Variants in CDH13 observed in about 807,000 individuals in gnomAD.
CDH13 encodes cadherin-13.
CDH13 carries 24 observed loss-of-function variants against 63.8 expected under a neutral mutation model. That is an observed-to-expected ratio of 0.38 (90% CI 0.27 to 0.53). CDH13 has a LOEUF of 0.53. Ranked by LOEUF, CDH13 falls within the 20% of genes least tolerant of loss-of-function variation. The pLI is 0.85. For missense variants in CDH13, 1,049 were observed against 903.1 expected (o/e 1.16, Z -2.07); for synonymous variants, 503 against 355.3 (o/e 1.42, Z -4.67).
At chr16:83,478,051 C>T (rs2073653318) in intron 6 of CDH13, among the ~76,000 whole-genome samples, 1 of 151,466 alleles carries the variant, frequency 6.6e-6, no homozygotes, top group Non-Finnish European at 1.5e-5. Context: ...CTTGGTGGTC[C>T]CAGCTGCTTG....
intron 1 of CDH13, among the ~76,000 whole-genome samples, chr16:82,691,111 C>T (rs1054355000): frequency 1.3e-5 from 2 of 152,190 alleles, no homozygotes; most frequent in Non-Finnish European, 2.9e-5. Context: ...CCAGGCGCTG[C>T]ACTGGACTCA....
chr16:82,777,510 G>A (rs1475256062), intron 1 of CDH13, among the ~76,000 whole-genome samples: 1 of 152,172 alleles, frequency 6.6e-6, no homozygotes, highest in East Asian at 1.9e-4. Context: ...TCAGGTAGAT[G>A]CAATAGGCCT....
chr16:83,665,764 C>G (rs925138770), intron 8 of CDH13, among the ~76,000 whole-genome samples: 1 of 152,164 alleles, frequency 6.6e-6, no homozygotes, highest in Non-Finnish European at 1.5e-5. Flanking sequence ...CACTTCTTTC[C>G]CATCTGTGTC....
At chr16:83,338,200 A>AAC (rs1555532125) in intron 5 of CDH13, among the ~76,000 whole-genome samples, 1 of 151,792 alleles carries the variant, frequency 6.6e-6, no homozygotes, top group Non-Finnish European at 1.5e-5. Flanking sequence ...AAAAAAAAAA[A>AAC]AAACAAGTAA....
intron 11 of CDH13, among the ~76,000 whole-genome samples, chr16:83,771,411 G>A (rs1039752297): frequency 1.3e-5 from 2 of 152,186 alleles, no homozygotes; most frequent in African/African-American, 2.4e-5. Flanking sequence ...TCCTATCGTG[G>A]TCATATAATG....
chr16:82,699,468 GC>G (rs2030723654), intron 1 of CDH13, among the ~76,000 whole-genome samples: 1 of 152,204 alleles, frequency 6.6e-6, no homozygotes, highest in Non-Finnish European at 1.5e-5. Context: ...AGAAGGTGAG[GC>G]AGCCGATTCC....
intron 4 of CDH13, among the ~76,000 whole-genome samples, chr16:83,170,935 A>G (rs1258139088): frequency 6.6e-6 from 1 of 152,062 alleles, no homozygotes; most frequent in Non-Finnish European, 1.5e-5. Flanking sequence ...GCCCTCTTCC[A>G]TCGTCGCTAT....
intron 1 of CDH13, among the ~76,000 whole-genome samples, chr16:82,690,164 C>CA (rs35051579): frequency 0.026 from 1,345 of 51,920 alleles, 47 homozygotes; most frequent in African/African-American, 0.068. Flanking sequence ...AACTCTGTCT[C>CA]AAAAAAAAAA....
At chr16:83,747,300 C>T (rs553571859) in intron 10 of CDH13, among the ~76,000 whole-genome samples, 14 of 152,200 alleles carry the variant, frequency 9.2e-5, no homozygotes, top group East Asian at 1.9e-4. Flanking sequence ...ATCATAGGGG[C>T]GGGTCTTTCC....
intron 5 of CDH13, among the ~76,000 whole-genome samples, chr16:83,321,750 G>T (rs935198858): frequency 6.6e-6 from 1 of 152,066 alleles, no homozygotes; most frequent in South Asian, 2.1e-4. Context: ...GGATGGTCTC[G>T]ATCTCCTGAC....
chr16:83,612,698 G>A (rs1462972908), intron 8 of CDH13, among the ~76,000 whole-genome samples: 1 of 151,628 alleles, frequency 6.6e-6, no homozygotes, highest in Non-Finnish European at 1.5e-5. Context: ...TCTTGTAGTG[G>A]GTTCTGAGAA....
At position 83,106,328 on chromosome 16, in the gene CDH13, A is replaced by G. The variant is rs555753329; in HGVS notation, c.367-19057A>G. ...GCCAAGGCAAGTGGATCATGAGGTC[A>G]GGAGTTCGAGACGAGCCTGGCCAAC... On this transcript the variant is annotated intron_variant, in intron 3 of 13. Transcript: ENST00000567109. Among the ~76,000 whole-genome samples, 3 of 152,306 alleles carry G rather than the reference A, an allele frequency of 2.0e-5. 1 individual carries two copies. The highest frequency in any genetic ancestry group is 7.2e-5 in the African/African-American group (3 of 41,558).
At chr16:83,269,718 C>T (rs921625781) in intron 5 of CDH13, among the ~76,000 whole-genome samples, 1 of 152,194 alleles carries the variant, frequency 6.6e-6, no homozygotes, top group Non-Finnish European at 1.5e-5. Context: ...TGACATCATC[C>T]TCTTTGACCT....
chr16:83,141,984 A>G (rs11865968), intron 4 of CDH13, among the ~76,000 whole-genome samples: 2,010 of 152,188 alleles, frequency 0.013, 53 homozygotes, highest in African/African-American at 0.046. Flanking sequence ...TGAATAGGAA[A>G]GCACTGGCTG....
At chr16:82,789,834 A>G (rs996957997) in intron 1 of CDH13, among the ~76,000 whole-genome samples, 1 of 152,056 alleles carries the variant, frequency 6.6e-6, no homozygotes, top group Admixed American at 6.5e-5. Flanking sequence ...AGTTTCTATG[A>G]CTGACCAGCC....
chr16:83,045,017 A>G (rs907500986), intron 3 of CDH13, among the ~76,000 whole-genome samples: 1 of 152,158 alleles, frequency 6.6e-6, no homozygotes, highest in Admixed American at 6.5e-5. Flanking sequence ...CTAAATGTAA[A>G]TATAGGGATG....
chr16:82,978,949 G>C (rs1318506233), intron 2 of CDH13, among the ~76,000 whole-genome samples: 1 of 152,190 alleles, frequency 6.6e-6, no homozygotes, highest in African/African-American at 2.4e-5. Context: ...CAGCCGGGAG[G>C]GGGGTTGTAC....
intron 3 of CDH13, among the ~76,000 whole-genome samples, chr16:83,074,502 T>C (rs1332223754): frequency 6.6e-6 from 1 of 152,202 alleles, no homozygotes; most frequent in Non-Finnish European, 1.5e-5. Context: ...CTTTCCTTGG[T>C]ATAAATACCA....
At chr16:82,652,827 C>A (rs1381594028) in intron 1 of CDH13, among the ~76,000 whole-genome samples, 1 of 150,642 alleles carries the variant, frequency 6.6e-6, no homozygotes, top group Non-Finnish European at 1.5e-5. Flanking sequence ...CAGAATCTTT[C>A]TGTAACTGTG....
Sources: allele counts gnomAD v4.1 joint callset (sites outside exome capture counted in the v4.1 genomes callset), GRCh38; gene constraint gnomAD v4.1.1; transcripts MANE v1.5; gene names NCBI Gene and HGNC (gene_info 2026-07-23, HGNC 2026-07-21).